Variants in UBE2R2 observed in about 807,000 individuals in gnomAD.
The protein encoded by UBE2R2 is ubiquitin conjugating enzyme E2 R2.
A neutral mutation model predicts 27.8 loss-of-function variants in UBE2R2; 1 was observed. The ratio of observed to expected loss-of-function variants is 0.04; its 90% CI spans 0.01 to 0.17. The LOEUF is 0.17. Among genes scored for constraint, UBE2R2 ranks in the 10% least tolerant of loss-of-function variants. The pLI, the probability that UBE2R2 is intolerant of heterozygous loss-of-function variation, is 1.00. For missense variants in UBE2R2, 100 were observed against 291.0 expected (o/e 0.34, Z 4.78); for synonymous variants, 106 against 113.3 (o/e 0.94, Z 0.41).
intron 1 of UBE2R2, among the ~76,000 whole-genome samples, chr9:33,819,922 C>G (rs977745700): frequency 6.6e-6 from 1 of 152,346 alleles, no homozygotes; most frequent in East Asian, 1.9e-4. Flanking sequence ...CAGGCGTGAG[C>G]CACTGCGCCC....
At chr9:33,823,916 C>A (rs1320165518) in intron 1 of UBE2R2, among the ~76,000 whole-genome samples, 1 of 152,168 alleles carries the variant, frequency 6.6e-6, no homozygotes, top group Non-Finnish European at 1.5e-5. Flanking sequence ...TCCCCCATTT[C>A]TCTCAGTTAA....
intron 1 of UBE2R2, among the ~76,000 whole-genome samples, chr9:33,876,858 G>A (rs898238196): frequency 2.0e-5 from 3 of 152,152 alleles, no homozygotes; most frequent in Non-Finnish European, 4.4e-5. Context: ...GGAGCTTGCA[G>A]TGAGCCGAGA....
At chr9:33,878,528 G>T (rs1344512440) in intron 1 of UBE2R2, among the ~76,000 whole-genome samples, 1 of 152,128 alleles carries the variant, frequency 6.6e-6, no homozygotes, top group African/African-American at 2.4e-5. Context: ...TGAGATGGGA[G>T]GATCGCTTGA....
intron 1 of UBE2R2, among the ~76,000 whole-genome samples, chr9:33,855,509 T>G (rs1310300791): frequency 2.0e-5 from 3 of 152,196 alleles, no homozygotes; most frequent in Admixed American, 2.0e-4. Context: ...GTTATGTATA[T>G]TGGGGAAATA....
chr9:33,817,091 A>G (rs1825791405), upstream of UBE2R2, among the ~76,000 whole-genome samples: 2 of 151,772 alleles, frequency 1.3e-5, no homozygotes, highest in Admixed American at 6.5e-5. Flanking sequence ...TCGGGCCGCC[A>G]GCCGCTGAGA....
Position 33,817,755 on chromosome 9 carries a change from G to T in UBE2R2, c.-3G>T. On this transcript the variant is annotated 5_prime_UTR_variant, in exon 1 of 5. Coordinates refer to ENST00000263228, the MANE Select transcript of UBE2R2 (RefSeq NM_017811.4). ...CGGCGCCGCCGCCGCCGCCGCCGCC[G>T]CGATGGCCCAGCAGCAGATGACCAG... The T allele has an allele frequency of 2.0e-6, 3 of 1,524,960 alleles. No individual in the cohort carries two copies. The highest frequency in any genetic ancestry group is 2.8e-5 in the East Asian group (1 of 36,034). The allele number at this position is 1,524,960 out of a possible 1,614,324, so 94.5% of individuals were successfully genotyped here. A position where few individuals can be genotyped will look rare whatever the true frequency, so the allele number is the denominator to read the frequency against.
intron 1 of UBE2R2, among the ~76,000 whole-genome samples, chr9:33,827,143 T>C (rs557876393): frequency 9.9e-5 from 15 of 152,244 alleles, no homozygotes; most frequent in African/African-American, 3.6e-4. Flanking sequence ...ATTATTATTA[T>C]TATTTTTTGA....
At chr9:33,831,956 C>T (rs1378453295) in intron 1 of UBE2R2, among the ~76,000 whole-genome samples, 2 of 152,030 alleles carry the variant, frequency 1.3e-5, no homozygotes, top group Non-Finnish European at 2.9e-5. Flanking sequence ...CCACCGCGCC[C>T]GACCTGTGAC....
intron 1 of UBE2R2, among the ~76,000 whole-genome samples, chr9:33,839,294 A>C (rs999888216): frequency 3.9e-5 from 6 of 152,102 alleles, no homozygotes; most frequent in African/African-American, 1.4e-4. Flanking sequence ...CTGGACTGCA[A>C]TGGCAGGGTC....
At chr9:33,835,730 C>A (rs757995815) in intron 1 of UBE2R2, among the ~76,000 whole-genome samples, 35 of 149,714 alleles carry the variant, frequency 2.3e-4, no homozygotes, top group African/African-American at 5.1e-4. Flanking sequence ...AAAAAAAAAA[C>A]AAAACAGCCA....
intron 1 of UBE2R2, among the ~76,000 whole-genome samples, chr9:33,831,863 G>A (rs1820491571): frequency 6.6e-6 from 1 of 151,860 alleles, no homozygotes; most frequent in South Asian, 2.1e-4. Context: ...GTTTTTCCAT[G>A]TTGATCAGGC....
intron 1 of UBE2R2, among the ~76,000 whole-genome samples, chr9:33,836,043 C>T (rs1469406312): frequency 6.6e-6 from 1 of 152,194 alleles, no homozygotes; most frequent in Non-Finnish European, 1.5e-5. Context: ...TGGCTCACGC[C>T]TGTTATCCCA....
At chr9:33,838,540 C>A (rs934816862) in intron 1 of UBE2R2, among the ~76,000 whole-genome samples, 1 of 151,886 alleles carries the variant, frequency 6.6e-6, no homozygotes, top group Admixed American at 6.6e-5. Flanking sequence ...TATGTACATA[C>A]AATAAAATGT....
chr9:33,820,342 G>A (rs1825958274), intron 1 of UBE2R2, among the ~76,000 whole-genome samples: 1 of 152,184 alleles, frequency 6.6e-6, no homozygotes, highest in Non-Finnish European at 1.5e-5. Context: ...AGCTTTGAGT[G>A]TTTTTACCTT....
At chr9:33,882,433 C>G (rs77316559) in intron 1 of UBE2R2, among the ~76,000 whole-genome samples, 28,850 of 152,038 alleles carry the variant, frequency 0.19, 3,324 homozygotes, top group East Asian at 0.55. Flanking sequence ...ATTACAGGCA[C>G]CTGCCACTGC....
At chr9:33,829,233 G>A (rs867311882) in intron 1 of UBE2R2, among the ~76,000 whole-genome samples, 1 of 152,162 alleles carries the variant, frequency 6.6e-6, no homozygotes, top group Non-Finnish European at 1.5e-5. Flanking sequence ...TTGAATAAGA[G>A]AATGATAAAT....
intron 1 of UBE2R2, among the ~76,000 whole-genome samples, chr9:33,819,719 A>C (rs1587420075): frequency 6.6e-6 from 1 of 152,020 alleles, no homozygotes; most frequent in South Asian, 2.1e-4. Context: ...CCTCACTGCA[A>C]CCTCCGCCTC....
At chr9:33,851,125 ATGTTTGTTCG>A (rs1470455287) in intron 1 of UBE2R2, among the ~76,000 whole-genome samples, 1 of 152,192 alleles carries the variant, frequency 6.6e-6, no homozygotes, top group East Asian at 1.9e-4. Context: ...ACATTGTAGT[ATGTTTGTTCG>A]TATCCTTTGG....
At chr9:33,841,566 A>G (rs1055396776) in intron 1 of UBE2R2, among the ~76,000 whole-genome samples, 11 of 152,132 alleles carry the variant, frequency 7.2e-5, no homozygotes, top group Non-Finnish European at 1.0e-4. Context: ...TGGCAGAGGT[A>G]TTTAGGGCGC....
Sources: gnomAD v4.1 joint callset for allele counts (sites outside exome capture counted in the v4.1 genomes callset) on GRCh38, gnomAD v4.1.1 for gene constraint, MANE v1.5 for transcripts, NCBI Gene and HGNC (gene_info 2026-07-23, HGNC 2026-07-21) for gene names.